Variants in FLT1 observed in about 807,000 individuals in gnomAD.
FLT1 encodes fms related receptor tyrosine kinase 1.
In FLT1, 49 loss-of-function variants were observed where a neutral mutation model predicts 156.3. That is an observed-to-expected ratio of 0.31 (90% CI 0.25 to 0.40). FLT1 has a LOEUF of 0.40. Ranked by LOEUF, FLT1 falls within the 10% of genes least tolerant of loss-of-function variation. The probability of loss-of-function intolerance (pLI) is 1.00; values close to 1 mark genes in which losing one functional copy is unlikely to be tolerated. For synonymous variants in FLT1, 594 were observed against 583.8 expected (o/e 1.02, Z -0.25); for missense variants, 1,322 against 1,637.2 (o/e 0.81, Z 3.32).
intron 4 of FLT1, among the ~76,000 whole-genome samples, chr13:28,436,598 A>T (rs1388129993): frequency 1.3e-5 from 2 of 152,326 alleles, no homozygotes; most frequent in East Asian, 3.9e-4. Flanking sequence ...TAGCGCTCCC[A>T]TGAAAGAGAA....
At chr13:28,339,874 G>A (rs560918641) in intron 16 of FLT1, among the ~76,000 whole-genome samples, 1 of 152,292 alleles carries the variant, frequency 6.6e-6, no homozygotes, top group African/African-American at 2.4e-5. Context: ...ATCTGGAAAG[G>A]TTGTAGCTGA....
At chr13:28,359,170 G>C (rs896788846) in intron 14 of FLT1, among the ~76,000 whole-genome samples, 1 of 152,124 alleles carries the variant, frequency 6.6e-6, no homozygotes, top group Admixed American at 6.5e-5. Flanking sequence ...AAAACAGCAT[G>C]GTACTGTTAT....
At chr13:28,320,787 T>C (rs1480052234) in intron 23 of FLT1, among the ~76,000 whole-genome samples, 1 of 151,990 alleles carries the variant, frequency 6.6e-6, no homozygotes, top group African/African-American at 2.4e-5. Context: ...CTAGGTGATA[T>C]GTATGTTCAA....
intron 29 of FLT1, 134 bp from the exon 30 acceptor site, chr13:28,303,502 C>CCT (rs1555297842): frequency 7.8e-6 from 6 of 771,332 alleles, no homozygotes; most frequent in East Asian, 2.7e-5. Context: ...ACCCCCCCCC[C>CCT]CTCAATTGCT....
At chr13:28,323,404 C>T (rs1871552296) in intron 20 of FLT1, among the ~76,000 whole-genome samples, 1 of 152,120 alleles carries the variant, frequency 6.6e-6, no homozygotes, top group East Asian at 1.9e-4. Flanking sequence ...GTAATCCCAG[C>T]ACTTTGGGAG....
chr13:28,474,935 G>A (rs977173055), intron 1 of FLT1, among the ~76,000 whole-genome samples: 1 of 152,096 alleles, frequency 6.6e-6, no homozygotes, highest in African/African-American at 2.4e-5. Context: ...TATGTTGAAG[G>A]CCTAGAATAT....
At chr13:28,430,256 T>C in intron 7 of FLT1, 89 bp from the exon 8 acceptor site, 1 of 871,500 alleles carries the variant, frequency 1.1e-6, no homozygotes. Context: ...GTGTAATCAA[T>C]GAGTAAATAA....
Position 28,390,068 on chromosome 13 carries a change from A to G in FLT1, c.1697T>C (p.Met566Thr). 1 of 1,614,162 alleles carries G rather than the reference A, an allele frequency of 6.2e-7. No homozygotes were observed. The highest frequency in any genetic ancestry group is 1.1e-5 in the South Asian group (1 of 91,080). Residue 566 changes from methionine (M) to threonine (T), a missense_variant, in exon 13 of 30, where the codon ATG becomes ACG. This residue lies in a region of FLT1 where 991 missense variants were observed against 1,254.8 expected (regional missense o/e 0.79). Transcript: ENST00000282397. Reference protein sequence around the residue: ...PNGFHVNLEKMPTEGEDLKLS... With the variant: ...PNGFHVNLEKTPTEGEDLKLS... ...TTTCAGGTCCTCTCCTTCCGTCGGC[A>G]TTTTTTCCAAGTTAACATGAAACCC... is the stretch of plus-strand genomic sequence containing the variant.
At chr13:28,448,274 T>G (rs907636467) in intron 3 of FLT1, among the ~76,000 whole-genome samples, 1 of 152,210 alleles carries the variant, frequency 6.6e-6, no homozygotes, top group Non-Finnish European at 1.5e-5. Flanking sequence ...CCCAAGTGAA[T>G]GAAAACTTGT....
chr13:28,322,610 C>T lies in FLT1; in HGVS notation c.2953+180G>A, dbSNP rs573715813. ...CCTGAGGGGAGAAAACGGTACAGTT[C>T]CCTGTCAAAATTAGTAACTCTGTAA... is the stretch of plus-strand genomic sequence containing the variant. On this transcript the variant is annotated intron_variant, in intron 21 of 29. Transcript: ENST00000282397. The surrounding 1 kb of genome is among the most constrained non-coding windows in gnomAD (Gnocchi z 4.3). 2 of 735,852 alleles carry T rather than the reference C, an allele frequency of 2.7e-6. No individual in the cohort carries two copies. The highest frequency in any genetic ancestry group is 1.5e-5 in the South Asian group (1 of 65,898). 45.6% of individuals were successfully genotyped at this position (735,852 alleles called of 1,614,324 possible).
chr13:28,436,524 C>G (rs1593791433), intron 4 of FLT1, among the ~76,000 whole-genome samples: 1 of 152,152 alleles, frequency 6.6e-6, no homozygotes. Flanking sequence ...TAGACTCCCA[C>G]CAGCCCCAGA....
At chr13:28,455,095 T>C (rs1014182205) in intron 3 of FLT1, among the ~76,000 whole-genome samples, 8 of 152,198 alleles carry the variant, frequency 5.3e-5, no homozygotes, top group African/African-American at 1.9e-4. Flanking sequence ...ATCTGCAGAT[T>C]CAATGCAATC....
rs1870463167 is a variant in FLT1, at chr13:28,300,521, C to CACA, written c.*2645_*2646insTGT. On this transcript the variant is annotated 3_prime_UTR_variant, in exon 30 of 30. Coordinates refer to ENST00000282397, the MANE Select transcript of FLT1 (RefSeq NM_002019.4). ...AGTTATGCACAAAACACACATACAC[C>CACA]CACACACACACACACACACACACAC... 8.4e-5 allele frequency: 19 copies of CACA among 225,542 alleles called. No individual in the cohort carries two copies. Among genetic ancestry groups the CACA allele is most frequent in the African/African-American group, 2.3e-4 (10 of 42,754 alleles). The allele number at this position is 225,542 out of a possible 1,614,324, so 14.0% of individuals were successfully genotyped here. A position where few individuals can be genotyped will look rare whatever the true frequency, so the allele number is the denominator to read the frequency against.
intron 15 of FLT1, among the ~76,000 whole-genome samples, chr13:28,348,183 A>T (rs1217174862): frequency 1.3e-5 from 2 of 152,192 alleles, no homozygotes; most frequent in East Asian, 3.8e-4. Flanking sequence ...AGGCCTTATC[A>T]GTTCTCACCA....
intron 12 of FLT1, among the ~76,000 whole-genome samples, chr13:28,392,843 T>G (rs1179321182): frequency 6.6e-6 from 1 of 152,174 alleles, no homozygotes. Context: ...CTGTTTCTTA[T>G]ATAGGGGACA....
intron 20 of FLT1, among the ~76,000 whole-genome samples, chr13:28,326,727 T>C (rs548077244): frequency 6.6e-6 from 1 of 152,220 alleles, no homozygotes; most frequent in Admixed American, 6.5e-5. Context: ...GTTTTCACCA[T>C]GCTGGCCAGG....
rs375968302 is a variant in FLT1, at chr13:28,434,025, G to A, written c.676+33C>T. ...CACAGATAAAAATACAGAGCACTTC[G>A]GCTTATGTTCATGCCTTTGAAGCAT... On this transcript the variant is annotated intron_variant, in intron 5 of 29. Coordinates refer to ENST00000282397, the MANE Select transcript of FLT1 (RefSeq NM_002019.4). 1.4e-5 allele frequency: 22 copies of A among 1,613,766 alleles called. 1 individual carries two copies. The highest frequency in any genetic ancestry group is 4.4e-5 in the South Asian group (4 of 91,066).
chr13:28,318,520 A>G (rs1871297856), intron 24 of FLT1, among the ~76,000 whole-genome samples: 2 of 152,032 alleles, frequency 1.3e-5, no homozygotes. Context: ...GTTTGTGTGC[A>G]TTTTCTAGTG....
rs553720431 is a variant in FLT1, at chr13:28,468,489, CGACCTTGAAATCTCT to C, written c.65-887_65-873del. Among the ~76,000 whole-genome samples the C allele has an allele frequency of 1.2e-4, 18 of 152,294 alleles. No individual in the cohort carries two copies. The East Asian group carries it at 3.5e-3, about 29-fold the overall frequency. ...TCTGTAAAAAAGAGATTGGACTAGA[CGACCTTGAAATCTCT>C]GACCTTCCATTTCTCACAGTCCCAG... is the stretch of plus-strand genomic sequence containing the variant. On this transcript the variant is annotated intron_variant, in intron 1 of 29. Transcript: ENST00000282397.
Sources: allele counts gnomAD v4.1 joint callset (sites outside exome capture counted in the v4.1 genomes callset), GRCh38; gene constraint gnomAD v4.1.1; regional missense constraint gnomAD v4.1.1; non-coding constraint Gnocchi (gnomAD v3.1); transcripts MANE v1.5; gene names NCBI Gene and HGNC (gene_info 2026-07-23, HGNC 2026-07-21).